Variants in LRFN5 observed in about 807,000 individuals in gnomAD.
LRFN5 encodes leucine rich repeat and fibronectin type III domain containing 5.
Under a neutral mutation model 45.6 loss-of-function variants are expected in LRFN5, and 24 were observed. The ratio of observed to expected loss-of-function variants is 0.53; its 90% CI spans 0.38 to 0.74. The LOEUF is 0.74. Ranked by LOEUF, LRFN5 falls within the 30% of genes least tolerant of loss-of-function variation. The pLI, the probability that LRFN5 is intolerant of heterozygous loss-of-function variation, is 0.00. For missense variants in LRFN5, 776 were observed against 861.5 expected (o/e 0.90, Z 1.24); for synonymous variants, 340 against 313.8 (o/e 1.08, Z -0.88).
intron 1 of LRFN5, among the ~76,000 whole-genome samples, chr14:41,681,777 ACTC>A (rs959372348): frequency 1.8e-4 from 27 of 148,306 alleles, no homozygotes; most frequent in Non-Finnish European, 3.4e-4. Flanking sequence ...TATATAAACT[ACTC>A]TTTTATTTTA....
At chr14:41,893,266 G>A (rs557203741) in intron 4 of LRFN5, 1 of 951,692 alleles carries the variant, frequency 1.1e-6, no homozygotes, top group Non-Finnish European at 1.3e-6. Flanking sequence ...GGAATTATTA[G>A]AAATTTACTG....
chr14:41,886,872 TC>T lies in LRFN5; in HGVS notation c.249del (p.Arg84GlyfsTer4). ...NMTSLVDLTL[S>X]RNTISFITPH... ...GACCAGCTTGGTGGACCTGACTCTA[TC>T]CAGGAATACAATAAGTTTTATTACA... On this transcript the variant is annotated frameshift_variant, in exon 3 of 6. Transcript: ENST00000298119. LOFTEE classifies it high-confidence loss of function. 1 of 1,614,178 alleles carries T rather than the reference TC, an allele frequency of 6.2e-7. No homozygotes were observed. The highest frequency in any genetic ancestry group is 1.1e-5 in the South Asian group (1 of 91,082).
intron 1 of LRFN5, among the ~76,000 whole-genome samples, chr14:41,755,251 G>A (rs1157467631): frequency 6.6e-6 from 1 of 152,164 alleles, no homozygotes; most frequent in Non-Finnish European, 1.5e-5. Flanking sequence ...GTTGATTTGG[G>A]GTGGAGAGTT....
At chr14:41,837,882 T>C (rs998757428) in intron 2 of LRFN5, among the ~76,000 whole-genome samples, 25 of 152,228 alleles carry the variant, frequency 1.6e-4, no homozygotes, top group Non-Finnish European at 2.6e-4. Context: ...TTCTCTTTTA[T>C]GGACCAATTT....
rs149323358 is a variant in LRFN5, at chr14:41,793,240, G to A, written c.-21+26211G>A. ...ATGTTCCTCTGCCGGGGCTCCAGCC[G>A]GTCCCTCCGTTCGGGGTCCCTGACT... On this transcript the variant is annotated intron_variant, in intron 2 of 5. Transcript: ENST00000298119. Among the ~76,000 whole-genome samples the A allele has an allele frequency of 1.4e-4, 21 of 151,892 alleles. No individual in the cohort carries two copies. The East Asian group carries it at 2.5e-3, about 18-fold the overall frequency.
intron 1 of LRFN5, among the ~76,000 whole-genome samples, chr14:41,721,530 A>C (rs1883713267): frequency 6.6e-6 from 1 of 152,120 alleles, no homozygotes; most frequent in African/African-American, 2.4e-5. Context: ...CCATGTTTAG[A>C]ACTCCCTTAA....
At chr14:41,825,046 A>G (rs915797289) in intron 2 of LRFN5, among the ~76,000 whole-genome samples, 2 of 152,192 alleles carry the variant, frequency 1.3e-5, no homozygotes, top group Admixed American at 6.5e-5. Flanking sequence ...ATCTGCTGCA[A>G]TGGCCTCTGG....
In LRFN5 at chr14:41,887,950, C is replaced by G. The variant is rs775058995; in HGVS notation, c.1325C>G (p.Pro442Arg). ...LLKFNFQRNI[P>R]GIRMFQIQYN... ...AAATTTAATTTTCAAAGAAATATCC[C>G]TGGAATACGTATGTTTCAAATCCAG... Residue 442 changes from proline (P) to arginine (R), a missense_variant, in exon 3 of 6, where the codon CCT (proline) becomes CGT (arginine). Transcript: ENST00000298119. The surrounding 1 kb of genome is among the most constrained non-coding windows in gnomAD (Gnocchi z 4.8). 1 of 1,613,710 alleles carries G rather than the reference C, an allele frequency of 6.2e-7. No homozygotes were observed. The highest frequency in any genetic ancestry group is 1.7e-5 in the Admixed American group (1 of 59,988).
chr14:41,736,600 G>A (rs982293131), intron 1 of LRFN5, among the ~76,000 whole-genome samples: 4 of 151,890 alleles, frequency 2.6e-5, no homozygotes, highest in East Asian at 1.9e-4. Flanking sequence ...TTTATAGACC[G>A]CTAGCCAGAC....
At chr14:41,764,635 A>C (rs1044210727) in intron 1 of LRFN5, among the ~76,000 whole-genome samples, 2 of 152,108 alleles carry the variant, frequency 1.3e-5, no homozygotes, top group East Asian at 3.9e-4. Flanking sequence ...TAATGAAATA[A>C]TAGAAAATGT....
At chr14:41,611,522 C>T (rs369886526) in intron 1 of LRFN5, among the ~76,000 whole-genome samples, 6 of 152,284 alleles carry the variant, frequency 3.9e-5, no homozygotes, top group African/African-American at 1.4e-4. Context: ...CTTTTAGTCA[C>T]TATTAATAGG....
chr14:41,615,360 T>C (rs1468209864), intron 1 of LRFN5, among the ~76,000 whole-genome samples: 1 of 152,184 alleles, frequency 6.6e-6, no homozygotes, highest in South Asian at 2.1e-4. Flanking sequence ...ATTCCTGAGA[T>C]AGTACTTCTA....
intron 2 of LRFN5, among the ~76,000 whole-genome samples, chr14:41,864,323 T>A (rs956436023): frequency 2.0e-5 from 3 of 152,198 alleles, no homozygotes; most frequent in Non-Finnish European, 4.4e-5. Flanking sequence ...CCAAATCCTC[T>A]CCAGCATCTG....
At chr14:41,641,242 G>T (rs544082582) in intron 1 of LRFN5, among the ~76,000 whole-genome samples, 2 of 152,048 alleles carry the variant, frequency 1.3e-5, no homozygotes, top group East Asian at 3.9e-4. Context: ...ACATTGGATG[G>T]GTCATATAAA....
intron 1 of LRFN5, among the ~76,000 whole-genome samples, chr14:41,727,202 A>C (rs1034289806): frequency 2.6e-5 from 4 of 152,216 alleles, no homozygotes; most frequent in Non-Finnish European, 5.9e-5. Flanking sequence ...AAACTAATTT[A>C]AAAGTCATTT....
At chr14:41,845,571 A>C (rs1889033712) in intron 2 of LRFN5, among the ~76,000 whole-genome samples, 1 of 152,094 alleles carries the variant, frequency 6.6e-6, no homozygotes, top group Non-Finnish European at 1.5e-5. Flanking sequence ...TGGAAACTGC[A>C]AGGTATTCTG....
chr14:41,677,009 G>T (rs1345532870), intron 1 of LRFN5, among the ~76,000 whole-genome samples: 1 of 152,136 alleles, frequency 6.6e-6, no homozygotes, highest in Non-Finnish European at 1.5e-5. Flanking sequence ...TGCATCCAGA[G>T]ACAAAAGGTA....
intron 1 of LRFN5, among the ~76,000 whole-genome samples, chr14:41,621,873 G>A (rs972861351): frequency 1.3e-5 from 2 of 151,994 alleles, no homozygotes; most frequent in Admixed American, 1.3e-4. Flanking sequence ...GGGTCGCTTC[G>A]CATTATAGCA....
intron 1 of LRFN5, among the ~76,000 whole-genome samples, chr14:41,638,495 GACTGTGAACATGTAGTATAAA>G (rs1377971497): frequency 6.6e-6 from 1 of 152,058 alleles, no homozygotes; most frequent in African/African-American, 2.4e-5. Flanking sequence ...AAGAAAAATG[GACTGTGAACATGTAGTATAAA>G]ATTCTAATCG....
Sources: allele counts gnomAD v4.1 joint callset (sites outside exome capture counted in the v4.1 genomes callset), GRCh38; gene constraint gnomAD v4.1.1; non-coding constraint Gnocchi (gnomAD v3.1); transcripts MANE v1.5; gene names NCBI Gene and HGNC (gene_info 2026-07-23, HGNC 2026-07-21).